Variants in AHCYL1 observed in about 807,000 individuals in gnomAD.
AHCYL1 encodes the protein adenosylhomocysteinase like 1, also known as S-adenosylhomocysteine hydrolase-like protein 1.
In AHCYL1, 20 loss-of-function variants were observed where a neutral mutation model predicts 79.3. That is an observed-to-expected ratio of 0.25 (90% confidence interval 0.18 to 0.37). The LOEUF (loss-of-function observed/expected upper bound fraction) is 0.37. Ranked by LOEUF, AHCYL1 falls within the 10% of genes least tolerant of loss-of-function variation. The pLI is 1.00. For missense variants in AHCYL1, 330 were observed against 673.6 expected (o/e 0.49, Z 5.65); for synonymous variants, 223 against 242.2 (o/e 0.92, Z 0.74).
At chr1:109,990,211 C>T (rs1557758703) in intron 1 of AHCYL1, among the ~76,000 whole-genome samples, 1 of 152,206 alleles carries the variant, frequency 6.6e-6, no homozygotes, top group Non-Finnish European at 1.5e-5. Flanking sequence ...TTAGTCTCTA[C>T]CATCTAATAG....
intron 5 of AHCYL1, among the ~76,000 whole-genome samples, chr1:110,013,566 C>T (rs891325285): frequency 4.6e-5 from 7 of 151,690 alleles, no homozygotes; most frequent in African/African-American, 9.7e-5. Flanking sequence ...AAAAGTTAGC[C>T]GGGAGTGGTG....
rs760235710 is a variant in AHCYL1, at chr1:110,021,660, C to G, written c.1587-14C>G. 5.6e-6 allele frequency: 9 copies of G among 1,611,764 alleles called. No homozygotes were observed. The African/African-American group carries it at 9.4e-5, about 17-fold the overall frequency. ...AAGACATAAGTGTTAACCAATCACT[C>G]TCTCTCTTTACAGATACTAATGGAC... On this transcript the variant is annotated splice_polypyrimidine_tract_variant and intron_variant, in intron 16 of 16. Coordinates refer to ENST00000369799, the MANE Select transcript of AHCYL1 (RefSeq NM_006621.7).
rs138482585 is a variant in AHCYL1, at chr1:109,985,078, T to C, written c.26T>C (p.Leu9Pro). The C allele has an allele frequency of 3.0e-4, 485 of 1,605,218 alleles. No individual in the cohort carries two copies. Among genetic ancestry groups the C allele is most frequent in the Non-Finnish European group, 2.6e-4 (302 of 1,176,712 alleles). The change falls in exon 1 of 17, where the codon CTG (leucine) becomes CCG (proline). Residue 9 changes from leucine (L) to proline (P), a missense_variant. Physicochemically the swap from Leu to Pro is moderately conservative, Grantham distance 98. Coordinates refer to ENST00000369799, the MANE Select transcript of AHCYL1 (RefSeq NM_006621.7). Reference sequence around the variant, plus strand: ...ATGTCGATGCCTGACGCGATGCCGCTGCCCGGGGTCGGGGAGGAGCTGAAG... The same window carrying C: ...ATGTCGATGCCTGACGCGATGCCGCCGCCCGGGGTCGGGGAGGAGCTGAAG... MSMPDAMPLPGVGEELKQA... is the reference protein window; with the variant it reads MSMPDAMPPPGVGEELKQA...
chr1:110,015,320 T>C (rs1045520412), intron 6 of AHCYL1, 105 bp from the exon 7 acceptor site: 2 of 886,782 alleles, frequency 2.3e-6, no homozygotes, highest in South Asian at 1.4e-5. Context: ...AGGAGTACTC[T>C]TCCAAAACAT....
chr1:110,020,269 A>C (rs571129773), intron 15 of AHCYL1, among the ~76,000 whole-genome samples: 1 of 152,348 alleles, frequency 6.6e-6, no homozygotes, highest in South Asian at 2.1e-4. Flanking sequence ...ACTACCTTAG[A>C]AATTCATGAT....
intron 16 of AHCYL1, 81 bp downstream of exon 16, chr1:110,020,932 C>A: frequency 8.5e-6 from 13 of 1,524,412 alleles, no homozygotes; most frequent in Non-Finnish European, 1.1e-5. Flanking sequence ...ACATAAAGAT[C>A]AAATGTTGTA....
intron 1 of AHCYL1, among the ~76,000 whole-genome samples, chr1:110,002,254 C>G (rs1650356719): frequency 6.6e-6 from 1 of 152,174 alleles, no homozygotes; most frequent in African/African-American, 2.4e-5. Flanking sequence ...ATACTACTCC[C>G]TTCTAAAAGA....
At chr1:110,006,738 T>C (rs2101718992) in intron 1 of AHCYL1, among the ~76,000 whole-genome samples, 1 of 152,312 alleles carries the variant, frequency 6.6e-6, no homozygotes, top group East Asian at 1.9e-4. Context: ...GTAACACACA[T>C]TCTCTTCAGG....
At chr1:110,021,555 T>C (rs1651795102) in intron 16 of AHCYL1, 119 bp from the exon 17 acceptor site, 6 of 899,968 alleles carry the variant, frequency 6.7e-6, no homozygotes, top group Non-Finnish European at 1.1e-5. Flanking sequence ...GGGGAATGAC[T>C]GCAGGGATCC....
At chr1:110,000,452 G>A (rs1028170815) in intron 1 of AHCYL1, among the ~76,000 whole-genome samples, 5 of 152,144 alleles carry the variant, frequency 3.3e-5, no homozygotes, top group Admixed American at 3.3e-4. Context: ...CAGATCTATG[G>A]AGCAGTACTT....
At chr1:110,002,786 G>A (rs537434163) in intron 1 of AHCYL1, among the ~76,000 whole-genome samples, 3 of 152,162 alleles carry the variant, frequency 2.0e-5, no homozygotes, top group South Asian at 2.1e-4. Flanking sequence ...GGAACAACCC[G>A]ACATGTGCCT....
rs544551393 is a variant in AHCYL1, at chr1:110,023,627, G to A, written c.*1947G>A. 4.6e-5 allele frequency: 7 copies of A among 152,688 alleles called. No individual in the cohort carries two copies. In the East Asian group the frequency reaches 9.7e-4, roughly 21 times the overall value. 9.5% of individuals were successfully genotyped at this position (152,688 alleles called of 1,614,324 possible). On this transcript the variant is annotated 3_prime_UTR_variant, in exon 17 of 17. Transcript: ENST00000369799. Reference sequence around the variant, plus strand: ...AGTCTGGCATCAGAGGGAGCATGTGGAGAGCAACTTGGGAAGAACAAGTTC... The same window carrying A: ...AGTCTGGCATCAGAGGGAGCATGTGAAGAGCAACTTGGGAAGAACAAGTTC...
At chr1:110,009,742 C>A (rs1021704995) in intron 2 of AHCYL1, among the ~76,000 whole-genome samples, 2 of 152,126 alleles carry the variant, frequency 1.3e-5, no homozygotes, top group African/African-American at 2.4e-5. Flanking sequence ...TAAATAAAGT[C>A]TTTTTCTGTT....
intron 14 of AHCYL1, 129 bp downstream of exon 14, chr1:110,019,248 A>AAAAAAGCC: frequency 1.0e-6 from 1 of 988,434 alleles, no homozygotes; most frequent in Admixed American, 2.3e-5. Context: ...AATTGTGGAA[A>AAAAAAGCC]CAGGTATTCT....
intron 9 of AHCYL1, among the ~76,000 whole-genome samples, chr1:110,017,018 A>G (rs1272031302): frequency 1.3e-5 from 2 of 152,218 alleles, no homozygotes; most frequent in African/African-American, 4.8e-5. Flanking sequence ...GTGAATATAT[A>G]GCATTTTAGC....
intron 10 of AHCYL1, 110 bp from the exon 11 acceptor site, chr1:110,017,836 T>C: frequency 8.9e-7 from 1 of 1,128,062 alleles, no homozygotes; most frequent in Non-Finnish European, 1.3e-6. Flanking sequence ...TCACCATTCC[T>C]GTGAGGTGGC....
intron 1 of AHCYL1, chr1:109,985,621 C>A: frequency 1.1e-6 from 1 of 906,070 alleles, no homozygotes; most frequent in Non-Finnish European, 1.3e-6. Flanking sequence ...TGCGTGATAG[C>A]TGGGAGGCAA....
At chr1:110,011,417 C>G in intron 3 of AHCYL1, 60 bp downstream of exon 3, 1 of 1,595,264 alleles carries the variant, frequency 6.3e-7, no homozygotes, top group Non-Finnish European at 8.5e-7. Flanking sequence ...CATCAGAATC[C>G]ACAAACAACT....
intron 1 of AHCYL1, among the ~76,000 whole-genome samples, chr1:109,990,576 A>G (rs879318864): frequency 2.6e-5 from 4 of 152,222 alleles, no homozygotes; most frequent in Non-Finnish European, 5.9e-5. Flanking sequence ...TGTCTTTTCA[A>G]TAAGAAAATT....
Sources: allele counts gnomAD v4.1 joint callset (sites outside exome capture counted in the v4.1 genomes callset), GRCh38; gene constraint gnomAD v4.1.1; transcripts MANE v1.5; gene names NCBI Gene and HGNC (gene_info 2026-07-23, HGNC 2026-07-21).